Variants in CDKAL1 observed in about 807,000 individuals in gnomAD.
The protein encoded by CDKAL1 is threonylcarbamoyladenosine tRNA methylthiotransferase.
Under a neutral mutation model 68.2 loss-of-function variants are expected in CDKAL1, and 32 were observed. The ratio of observed to expected loss-of-function variants is 0.47; its 90% CI spans 0.35 to 0.63. The LOEUF (loss-of-function observed/expected upper bound fraction) is 0.63, where lower values mean the gene tolerates loss of function less well. Ranked by LOEUF, CDKAL1 falls within the 30% of genes least tolerant of loss-of-function variation. The probability of loss-of-function intolerance (pLI) is 0.00; values close to 1 mark genes in which losing one functional copy is unlikely to be tolerated. For synonymous variants in CDKAL1, 234 were observed against 244.3 expected (o/e 0.96, Z 0.39); for missense variants, 606 against 696.7 (o/e 0.87, Z 1.47).
intron 5 of CDKAL1, among the ~76,000 whole-genome samples, chr6:20,652,644 G>C (rs1768826545): frequency 6.6e-6 from 1 of 151,752 alleles, no homozygotes; most frequent in South Asian, 2.1e-4. Context: ...ATTTTTTCTT[G>C]CCTTCCCAGC....
chr6:20,790,869 T>C (rs768763071), intron 8 of CDKAL1, among the ~76,000 whole-genome samples: 3 of 152,088 alleles, frequency 2.0e-5, no homozygotes, highest in African/African-American at 7.2e-5. Context: ...TGCATGCTGA[T>C]TGGTTTGTGA....
rs554569462 is a variant in CDKAL1, at chr6:21,159,425, C to T, written c.1300-38596C>T. Among the ~76,000 whole-genome samples, 6 of 152,266 alleles carry T rather than the reference C, an allele frequency of 3.9e-5. No homozygotes were observed. In the South Asian group the frequency reaches 1.2e-3, roughly 32 times the overall value. ...TGTTCCTCTCTCGAATCTGTTCTTC[C>T]AAGGGAAACTAGAATGATCTTTTAT... On this transcript the variant is annotated intron_variant, in intron 13 of 15. Transcript: ENST00000274695.
chr6:20,985,393 A>C (rs190683863), intron 10 of CDKAL1, among the ~76,000 whole-genome samples: 70 of 152,138 alleles, frequency 4.6e-4, no homozygotes, highest in African/African-American at 1.6e-3. Context: ...TCCCAGATTC[A>C]AGCGGTTCCC....
chr6:20,696,366 T>C (rs1360398047), intron 5 of CDKAL1, among the ~76,000 whole-genome samples: 1 of 152,238 alleles, frequency 6.6e-6, no homozygotes, highest in Non-Finnish European at 1.5e-5. Context: ...AGGGTTAGAC[T>C]GTGAACTTTT....
intron 5 of CDKAL1, among the ~76,000 whole-genome samples, chr6:20,695,565 G>T (rs904475568): frequency 6.6e-6 from 1 of 152,124 alleles, no homozygotes; most frequent in Non-Finnish European, 1.5e-5. Context: ...GCTTGTTCAT[G>T]TCTGGTAATT....
intron 5 of CDKAL1, among the ~76,000 whole-genome samples, chr6:20,655,298 A>G (rs1486888273): frequency 6.6e-6 from 1 of 152,188 alleles, no homozygotes; most frequent in African/African-American, 2.4e-5. Flanking sequence ...TGTGTAAGGA[A>G]GAGTATAGAT....
chr6:20,974,089 A>G (rs1295882302), intron 10 of CDKAL1, among the ~76,000 whole-genome samples: 3 of 152,238 alleles, frequency 2.0e-5, no homozygotes, highest in South Asian at 2.1e-4. Flanking sequence ...TTCACAGTCC[A>G]CAGATGGGTG....
chr6:21,094,291 A>G (rs1413834716), intron 12 of CDKAL1, among the ~76,000 whole-genome samples: 1 of 152,204 alleles, frequency 6.6e-6, no homozygotes, highest in East Asian at 1.9e-4. Flanking sequence ...ATATGGAGGT[A>G]AATACCAAAA....
intron 7 of CDKAL1, 119 bp downstream of exon 7, chr6:20,758,762 C>A: frequency 1.4e-6 from 1 of 711,102 alleles, no homozygotes; most frequent in Non-Finnish European, 2.2e-6. Flanking sequence ...GATATAAAAT[C>A]ATAAAATGTT....
chr6:21,147,111 G>A (rs893561220), intron 13 of CDKAL1, among the ~76,000 whole-genome samples: 18 of 152,172 alleles, frequency 1.2e-4, no homozygotes, highest in South Asian at 2.1e-4. Flanking sequence ...TAGAACCTAC[G>A]GTCCAACAGG....
At chr6:20,557,266 A>G (rs992664691) in intron 4 of CDKAL1, among the ~76,000 whole-genome samples, 1 of 151,944 alleles carries the variant, frequency 6.6e-6, no homozygotes, top group East Asian at 1.9e-4. Context: ...GCCAAAGATG[A>G]TGTCTGTTGT....
At chr6:21,062,816 T>C (rs931728057) in intron 11 of CDKAL1, among the ~76,000 whole-genome samples, 2 of 152,264 alleles carry the variant, frequency 1.3e-5, no homozygotes, top group Non-Finnish European at 2.9e-5. Context: ...ACTGTCCTCA[T>C]TGGTATGTCC....
intron 9 of CDKAL1, among the ~76,000 whole-genome samples, chr6:20,886,709 TA>T (rs1396206882): frequency 1.3e-5 from 2 of 151,900 alleles, no homozygotes; most frequent in African/African-American, 4.8e-5. Context: ...AGACAAGAAG[TA>T]GATTAGAGGT....
intron 8 of CDKAL1, among the ~76,000 whole-genome samples, chr6:20,810,392 TCACACACACA>T (rs59104508): frequency 0.16 from 18,312 of 115,382 alleles, 1,580 homozygotes; most frequent in East Asian, 0.25. Flanking sequence ...TCTCTCTCTG[TCACACACACA>T]CACACACACA....
intron 4 of CDKAL1, among the ~76,000 whole-genome samples, chr6:20,564,709 A>C (rs1024535638): frequency 6.6e-6 from 1 of 152,224 alleles, no homozygotes; most frequent in South Asian, 2.1e-4. Context: ...AAAACCATTA[A>C]ATTTTTTAAG....
intron 13 of CDKAL1, among the ~76,000 whole-genome samples, chr6:21,165,984 C>T (rs900778616): frequency 5.3e-5 from 8 of 152,140 alleles, no homozygotes; most frequent in African/African-American, 9.7e-5. Flanking sequence ...GTGTGACCTT[C>T]GGAAAGTAAC....
At chr6:21,214,556 T>C (rs537521875) in intron 15 of CDKAL1, among the ~76,000 whole-genome samples, 11 of 151,894 alleles carry the variant, frequency 7.2e-5, no homozygotes, top group Non-Finnish European at 1.5e-4. Flanking sequence ...TGCCCATCTC[T>C]TAGATGTCCC....
intron 4 of CDKAL1, among the ~76,000 whole-genome samples, chr6:20,618,792 C>T (rs1767045791): frequency 6.6e-6 from 1 of 152,092 alleles, no homozygotes; most frequent in Admixed American, 6.6e-5. Context: ...GATCCTCCTG[C>T]CTCAGCCTCC....
chr6:20,687,879 A>AT (rs530951843), intron 5 of CDKAL1, among the ~76,000 whole-genome samples: 6,178 of 149,382 alleles, frequency 0.041, 394 homozygotes, highest in African/African-American at 0.13. Flanking sequence ...TATGTAAAGG[A>AT]TTTTTTTTTT....
Sources: gnomAD v4.1 joint callset for allele counts (sites outside exome capture counted in the v4.1 genomes callset) on GRCh38, gnomAD v4.1.1 for gene constraint, MANE v1.5 for transcripts, NCBI Gene and HGNC (gene_info 2026-07-23, HGNC 2026-07-21) for gene names.